SPEN: variants seen among roughly 807,000 people sequenced by gnomAD.
SPEN encodes the protein msx2-interacting protein.
A neutral mutation model predicts 269.9 loss-of-function variants in SPEN; 18 were observed. That is an observed-to-expected ratio of 0.07 (90% confidence interval 0.05 to 0.10). The LOEUF (loss-of-function observed/expected upper bound fraction) is 0.10, where lower values mean the gene tolerates loss of function less well. Among genes scored for constraint, SPEN ranks in the 10% least tolerant of loss-of-function variants. SPEN has a pLI of 1.00. For synonymous variants in SPEN, 1,726 were observed against 1,765.7 expected (o/e 0.98, Z 0.56); for missense variants, 3,822 against 4,631.2 (o/e 0.83, Z 5.07).
chr1:15,934,284 T>A lies in SPEN; in HGVS notation c.8044T>A (p.Leu2682Met), dbSNP rs1379791470. The A allele has an allele frequency of 1.2e-6, 2 of 1,614,080 alleles. No individual in the cohort carries two copies. The highest frequency in any genetic ancestry group is 2.7e-5 in the African/African-American group (2 of 74,928). Residue 2682 changes from leucine to methionine, a missense_variant, in exon 11 of 15, where the codon TTG (leucine) becomes ATG (methionine). By Grantham distance (15) the Leu-to-Met change is conservative (BLOSUM62 2). Around this residue, in one of 16 missense-constraint regions of SPEN, gnomAD observed 329 missense variants for 431.2 expected, o/e 0.76. Coordinates refer to ENST00000375759, the MANE Select transcript of SPEN (RefSeq NM_015001.3). The surrounding 1 kb of genome is among the most constrained non-coding windows in gnomAD (Gnocchi z 9.2). ...VKGSVTTLKS[L>M]VSTPAGPVNV... is the part of the protein sequence containing the mutation. ...GGGCTCAGTGACCACACTGAAAAGT[T>A]TGGTGAGCACCCCTGCTGGGCCCGT...
At chr1:15,876,180 T>C in intron 2 of SPEN, 22 bp from the exon 3 acceptor site, 6 of 1,574,498 alleles carry the variant, frequency 3.8e-6, no homozygotes, top group Non-Finnish European at 5.2e-6. Context: ...TGATTAAATA[T>C]TTTTCCCCCT....
chr1:15,872,753 T>G, intron 1 of SPEN, 63 bp from the exon 2 acceptor site: 1 of 1,393,110 alleles, frequency 7.2e-7, no homozygotes, highest in Non-Finnish European at 9.6e-7. Context: ...CCAAAAAAAA[T>G]CTAAAAACTC....
chr1:15,931,814 T>G lies in SPEN; in HGVS notation c.5574T>G (p.Pro1858=). The change falls in exon 11 of 15, where the codon CCT becomes CCG. Residue 1858 remains proline (P), a synonymous_variant. Coordinates refer to ENST00000375759, the MANE Select transcript of SPEN (RefSeq NM_015001.3). This position sits in a 1 kb window ranked among gnomAD's most constrained non-coding sequence, Gnocchi z 4.8. ...DREKLKRSNS[P]RGEAQKLLEL... ...AAAAACTCAAGCGGTCCAATTCTCC[T>G]CGGGGAGAAGCACAGAAGCTTTTGG... 1.2e-6 allele frequency: 2 copies of G among 1,614,212 alleles called. No individual in the cohort carries two copies. The highest frequency in any genetic ancestry group is 2.2e-5 in the South Asian group (2 of 91,076).
rs893105100 is a variant in SPEN, at chr1:15,935,910, A to C, written c.9670A>C (p.Lys3224Gln). The C allele has an allele frequency of 6.2e-7, 1 of 1,612,596 alleles. No homozygotes were observed. Among genetic ancestry groups the C allele is most frequent in the African/African-American group, 1.3e-5 (1 of 74,830 alleles). The change falls in exon 11 of 15, where the codon AAG (lysine) becomes CAG (glutamine). Residue 3224 changes from lysine to glutamine, a missense_variant. This residue lies in a region of SPEN where 359 missense variants were observed against 377.3 expected (regional missense o/e 0.95). Transcript: ENST00000375759. This position sits in a 1 kb window ranked among gnomAD's most constrained non-coding sequence, Gnocchi z 7.7. ...GGTGGTGAAGGTGCCACCAGCCAGC[A>C]AGGCCCCTCAGCAGCCAGGGAAGGA... ...DGVVKVPPASKAPQQPGKEAA... is the reference protein window; with the variant it reads ...DGVVKVPPASQAPQQPGKEAA...
chr1:15,877,426 G>A (rs375239368), intron 3 of SPEN, among the ~76,000 whole-genome samples: 24 of 152,210 alleles, frequency 1.6e-4, no homozygotes, highest in African/African-American at 4.8e-4. Context: ...GCGCAACCAC[G>A]CCTGGCTAAT....
At position 15,937,078 on chromosome 1, in the gene SPEN, T is replaced by C. The variant is rs931423543; in HGVS notation, c.10027-85T>C. 5.9e-6 allele frequency: 9 copies of C among 1,528,236 alleles called. No individual in the cohort carries two copies. Among genetic ancestry groups the C allele is most frequent in the Non-Finnish European group, 7.9e-6 (9 of 1,132,858 alleles). 94.7% of individuals were successfully genotyped at this position (1,528,236 alleles called of 1,614,324 possible). A position where few individuals can be genotyped will look rare whatever the true frequency, so the allele number is the denominator to read the frequency against. ...GAGATGCCACATCTTATCCTTTCCC[T>C]GTGGCCCTTTGGGTCATTTGTTGGT... is the stretch of plus-strand genomic sequence containing the variant. On this transcript the variant is annotated intron_variant, in intron 11 of 14. Transcript: ENST00000375759. The surrounding 1 kb of genome is among the most constrained non-coding windows in gnomAD (Gnocchi z 5.7).
chr1:15,910,680 A>G (rs2071003846), intron 4 of SPEN, among the ~76,000 whole-genome samples: 1 of 149,616 alleles, frequency 6.7e-6, no homozygotes, highest in Non-Finnish European at 1.5e-5. Context: ...TTTCATACCT[A>G]TTTACACACG....
At chr1:15,888,461 T>C (rs1345049978) in intron 3 of SPEN, among the ~76,000 whole-genome samples, 1 of 151,952 alleles carries the variant, frequency 6.6e-6, no homozygotes, top group Non-Finnish European at 1.5e-5. Flanking sequence ...GTAGCTGGGA[T>C]TACAGGCACA....
At chr1:15,871,003 TGGA>T (rs2070567547) in intron 1 of SPEN, among the ~76,000 whole-genome samples, 1 of 152,194 alleles carries the variant, frequency 6.6e-6, no homozygotes, top group Non-Finnish European at 1.5e-5. Context: ...TTTTTTGAGA[TGGA>T]GTCTGACTCT....
At chr1:15,914,657 T>C (rs2071040338) in intron 5 of SPEN, among the ~76,000 whole-genome samples, 1 of 152,120 alleles carries the variant, frequency 6.6e-6, no homozygotes, top group Non-Finnish European at 1.5e-5. Context: ...ACCCCGTCTC[T>C]ACTAAAAATA....
Position 15,937,700 on chromosome 1 carries a change from A to G in SPEN, c.10509+55A>G, listed in dbSNP as rs1287805036. The G allele has an allele frequency of 4.4e-6, 7 of 1,605,284 alleles. No individual in the cohort carries two copies. The African/African-American group carries it at 5.4e-5, about 12-fold the overall frequency. ...GCCCCCAAGTTTTATGCCATGTCAA[A>G]TGTCCTAAGATTCCCTAGTTAACAG... On this transcript the variant is annotated intron_variant, in intron 12 of 14. Transcript: ENST00000375759. The surrounding 1 kb of genome is among the most constrained non-coding windows in gnomAD (Gnocchi z 5.7).
At chr1:15,898,558 CTTTTTTTT>C (rs375319827) in intron 3 of SPEN, among the ~76,000 whole-genome samples, 88 of 131,960 alleles carry the variant, frequency 6.7e-4, no homozygotes, top group Non-Finnish European at 9.3e-4. Context: ...TTCTTTTTTT[CTTTTTTTT>C]TTTTTTTGTT....
rs1229502804 is a variant in SPEN, at chr1:15,930,435, T to C, written c.4195T>C (p.Tyr1399His). 5.6e-6 allele frequency: 9 copies of C among 1,614,186 alleles called. No individual in the cohort carries two copies. The highest frequency in any genetic ancestry group is 6.8e-6 in the Non-Finnish European group (8 of 1,180,032). ...KSHSPRASAL[Y>H]ESSRLSFLLR... ...CCACTCACCCAGAGCCTCTGCATTA[T>C]ATGAAAGTTCTCGATTGTCTTTTTT... Residue 1399 changes from tyrosine to histidine, a missense_variant, in exon 11 of 15, where the codon TAT (tyrosine) becomes CAT (histidine). Physicochemically the swap from Tyr to His is moderately conservative, Grantham distance 83. This residue lies in a region of SPEN where 267 missense variants were observed against 315.5 expected (regional missense o/e 0.85). Transcript: ENST00000375759. This position sits in a 1 kb window ranked among gnomAD's most constrained non-coding sequence, Gnocchi z 5.3.
intron 1 of SPEN, among the ~76,000 whole-genome samples, chr1:15,851,723 G>A (rs1161223503): frequency 6.6e-6 from 1 of 152,126 alleles, no homozygotes; most frequent in Non-Finnish European, 1.5e-5. Context: ...GGTGGCTCAC[G>A]CTTATAATCC....
chr1:15,859,918 T>TTTTTG (rs2070426818), intron 1 of SPEN, among the ~76,000 whole-genome samples: 1 of 123,866 alleles, frequency 8.1e-6, no homozygotes, highest in African/African-American at 3.2e-5. Context: ...TTTTTTTTTT[T>TTTTTG]TTTTTTTTTT....
chr1:15,912,665 G>A (rs1235891461), intron 5 of SPEN, among the ~76,000 whole-genome samples: 1 of 152,126 alleles, frequency 6.6e-6, no homozygotes, highest in Non-Finnish European at 1.5e-5. Flanking sequence ...CTTTTCAAAG[G>A]ATAATAGGTT....
chr1:15,900,336 G>A (rs980779153), intron 3 of SPEN, among the ~76,000 whole-genome samples: 2 of 151,970 alleles, frequency 1.3e-5, no homozygotes, highest in African/African-American at 4.8e-5. Flanking sequence ...AAGCTGTTGC[G>A]GTAAAAACCA....
intron 5 of SPEN, among the ~76,000 whole-genome samples, chr1:15,914,326 C>T (rs2071036778): frequency 6.6e-6 from 1 of 152,188 alleles, no homozygotes; most frequent in South Asian, 2.1e-4. Flanking sequence ...CAATGGCTGG[C>T]TCTAAATGCT....
intron 1 of SPEN, among the ~76,000 whole-genome samples, chr1:15,854,210 T>G (rs1490014560): frequency 6.6e-6 from 1 of 152,172 alleles, no homozygotes; most frequent in East Asian, 1.9e-4. Context: ...GTGTATATAT[T>G]CATTAAATTG....
Sources: allele counts gnomAD v4.1 joint callset (sites outside exome capture counted in the v4.1 genomes callset), GRCh38; gene constraint gnomAD v4.1.1; regional missense constraint gnomAD v4.1.1; non-coding constraint Gnocchi (gnomAD v3.1); transcripts MANE v1.5; gene names NCBI Gene and HGNC (gene_info 2026-07-23, HGNC 2026-07-21).